The following CUL4A variants were observed in gnomAD, a reference collection of about 807,000 sequenced individuals.
CUL4A encodes cullin 4A, also known as cullin-4A.
CUL4A carries 16 observed loss-of-function variants against 95.5 expected under a neutral mutation model. The observed-to-expected ratio is 0.17, with a 90% CI of 0.11 to 0.25. CUL4A has a LOEUF of 0.25. CUL4A is among the 10% of genes least tolerant of loss of function. The pLI, the probability that CUL4A is intolerant of heterozygous loss-of-function variation, is 1.00. For missense variants in CUL4A, 610 were observed against 937.0 expected, an observed-to-expected ratio of 0.65 and a Z score of 4.56; for synonymous variants, 380 against 353.1, an observed-to-expected ratio of 1.08 and a Z score of -0.85.
chr13:113,219,317 T>C (rs990959919), intron 3 of CUL4A: 2 of 333,582 alleles, frequency 6.0e-6, no homozygotes, highest in Non-Finnish European at 1.1e-5. Context: ...TATCCTTTAT[T>C]CTAATAAACA....
intron 9 of CUL4A, 66 bp downstream of exon 9, chr13:113,236,956 G>C: frequency 2.7e-6 from 3 of 1,115,056 alleles, no homozygotes; most frequent in East Asian, 4.8e-5. Flanking sequence ...GGAAAGTAAA[G>C]GGGGCATTAC....
intron 15 of CUL4A, among the ~76,000 whole-genome samples, chr13:113,248,227 T>C (rs958420225): frequency 6.6e-6 from 1 of 152,234 alleles, no homozygotes; most frequent in African/African-American, 2.4e-5. Flanking sequence ...GCTGAATTGA[T>C]TTTTACCTGG....
intron 2 of CUL4A, among the ~76,000 whole-genome samples, chr13:113,211,274 C>A (rs975537064): frequency 6.6e-6 from 1 of 152,228 alleles, no homozygotes; most frequent in Non-Finnish European, 1.5e-5. Flanking sequence ...TTTTGAGATT[C>A]ATGCACAACG....
In CUL4A at chr13:113,266,098, C is replaced by T. The variant is rs2042392287; in HGVS notation, c.*2516C>T. 1 of 152,220 alleles carries T rather than the reference C, an allele frequency of 6.6e-6. No individual in the cohort carries two copies. Among genetic ancestry groups the T allele is most frequent in the Non-Finnish European group, 1.5e-5 (1 of 68,056 alleles). The allele number at this position is 152,220 out of a possible 1,614,324, so 9.4% of individuals were successfully genotyped here. On this transcript the variant is annotated 3_prime_UTR_variant, in exon 20 of 20. Coordinates refer to ENST00000375440, the MANE Select transcript of CUL4A (RefSeq NM_001008895.4). ...TGGCATGATCATGTTTCACGGCAGC[C>T]TCTACCTTCTGGGCTCAAGCGATCC...
chr13:113,223,734 T>A (rs1199779197), intron 3 of CUL4A, among the ~76,000 whole-genome samples: 1 of 152,186 alleles, frequency 6.6e-6, no homozygotes, highest in Non-Finnish European at 1.5e-5. Context: ...ATATTTTGAT[T>A]GTATGCTGAT....
At chr13:113,239,632 C>A in intron 10 of CUL4A, 81 bp downstream of exon 10, 2 of 1,055,628 alleles carry the variant, frequency 1.9e-6, no homozygotes, top group South Asian at 1.5e-5. Flanking sequence ...CTAGTGTGCC[C>A]TGGCAAAGGG....
At chr13:113,221,965 C>A (rs2040914761) in intron 3 of CUL4A, among the ~76,000 whole-genome samples, 5 of 152,132 alleles carry the variant, frequency 3.3e-5, no homozygotes, top group Admixed American at 3.3e-4. Flanking sequence ...ATTGCAGGGG[C>A]GAAGCGATGT....
At chr13:113,238,251 G>A (rs932021989) in intron 9 of CUL4A, among the ~76,000 whole-genome samples, 1 of 151,984 alleles carries the variant, frequency 6.6e-6, no homozygotes, top group Non-Finnish European at 1.5e-5. Flanking sequence ...ACCAGCCTGG[G>A]CAACAAAGAG....
At chr13:113,209,022 G>C (rs923931353), upstream of CUL4A, 51 of 615,566 alleles carry the variant, frequency 8.3e-5, no homozygotes, top group Admixed American at 1.6e-3. Flanking sequence ...CCAGGGCCTC[G>C]GGGCGCGCGC....
rs532006869 is a variant in CUL4A at position 113,234,703 on chromosome 13, G to C, written c.766-360G>C. On this transcript the variant is annotated intron_variant, in intron 7 of 19. Transcript: ENST00000375440. ...CTTGCTTTTGCTGACCCAGCTGTGC[G>C]GGGCAGGGTTGCCATTTAGCACCTC... Among the ~76,000 whole-genome samples the C allele has an allele frequency of 3.9e-5, 6 of 152,146 alleles. No individual in the cohort carries two copies. In the South Asian group the frequency reaches 1.2e-3, roughly 32 times the overall value.
chr13:113,257,660 C>T (rs2042164385), intron 18 of CUL4A, among the ~76,000 whole-genome samples: 1 of 152,190 alleles, frequency 6.6e-6, no homozygotes, highest in Non-Finnish European at 1.5e-5. Context: ...CACCCGGTCC[C>T]ATCTCCAACA....
At position 113,210,054 on chromosome 13, in the gene CUL4A, C is replaced by G. The variant is rs2139054910; in HGVS notation, c.230C>G (p.Thr77Ser). 3.3e-6 allele frequency: 5 copies of G among 1,519,748 alleles called. No homozygotes were observed. Among genetic ancestry groups the G allele is most frequent in the Non-Finnish European group, 2.6e-6 (3 of 1,134,700 alleles). The allele number at this position is 1,519,748 out of a possible 1,614,324, so 94.1% of individuals were successfully genotyped here. A position where few individuals can be genotyped will look rare whatever the true frequency, so the allele number is the denominator to read the frequency against. The change falls in exon 2 of 20, where the codon ACC becomes AGC. Residue 77 changes from threonine (T) to serine (S), a missense_variant. Around this residue, in one of 10 missense-constraint regions of CUL4A, gnomAD observed 168 missense variants for 185.5 expected, o/e 0.91. Transcript: ENST00000375440. Reference sequence around the variant, plus strand: ...GCGGTGCGGGCCGTGCAGAGCAGCACCTCCATCAGGTACAACCTCGAGGAG... The same window carrying G: ...GCGGTGCGGGCCGTGCAGAGCAGCAGCTCCATCAGGTACAACCTCGAGGAG... ...HEAVRAVQSS[T>S]SIRYNLEELY...
intron 3 of CUL4A, among the ~76,000 whole-genome samples, chr13:113,223,334 T>G (rs572911234): frequency 9.9e-5 from 15 of 152,222 alleles, no homozygotes; most frequent in Non-Finnish European, 2.1e-4. Flanking sequence ...AGATTTCTTT[T>G]GCCTCTGGGA....
At chr13:113,222,937 A>G (rs754611619) in intron 3 of CUL4A, among the ~76,000 whole-genome samples, 1 of 152,112 alleles carries the variant, frequency 6.6e-6, no homozygotes, top group Non-Finnish European at 1.5e-5. Context: ...GAGGAGGTGG[A>G]TGAGGGCTGC....
At chr13:113,227,685 C>G (rs543970597) in intron 3 of CUL4A, among the ~76,000 whole-genome samples, 1 of 152,312 alleles carries the variant, frequency 6.6e-6, no homozygotes, top group East Asian at 1.9e-4. Context: ...GCCAGTGGAT[C>G]ACAAGGTCAG....
At chr13:113,250,557 A>T (rs1240333683) in intron 15 of CUL4A, among the ~76,000 whole-genome samples, 1 of 152,200 alleles carries the variant, frequency 6.6e-6, no homozygotes, top group East Asian at 1.9e-4. Context: ...CTGGACTGGT[A>T]GCTAGCACAT....
intron 15 of CUL4A, among the ~76,000 whole-genome samples, chr13:113,251,462 G>A (rs1348325222): frequency 6.6e-6 from 1 of 152,160 alleles, no homozygotes; most frequent in African/African-American, 2.4e-5. Flanking sequence ...GTGAGCTCGT[G>A]GGAGAGGAGG....
intron 12 of CUL4A, 51 bp downstream of exon 12, chr13:113,244,565 G>T (rs1343161109): frequency 8.2e-6 from 11 of 1,333,338 alleles, no homozygotes; most frequent in Non-Finnish European, 1.2e-5. Flanking sequence ...GTGTAAACAG[G>T]CCCTGCTTTC....
chr13:113,234,445 C>A lies in CUL4A; in HGVS notation c.765+459C>A, dbSNP rs182764378. Among the ~76,000 whole-genome samples, 266 of 152,246 alleles carry A rather than the reference C, an allele frequency of 1.7e-3. 3 individuals carry two copies. Among genetic ancestry groups the A allele is most frequent in the Non-Finnish European group, 2.4e-3 (166 of 68,034 alleles). On this transcript the variant is annotated intron_variant, in intron 7 of 19. Coordinates refer to ENST00000375440, the MANE Select transcript of CUL4A (RefSeq NM_001008895.4). ...CAGAGCAAAATCATAAAGGAACCTG[C>A]CCCATAGACTGTCACCCAAATGGTG... is the stretch of plus-strand genomic sequence containing the variant.
Sources: gnomAD v4.1 joint callset for allele counts (sites outside exome capture counted in the v4.1 genomes callset) on GRCh38, gnomAD v4.1.1 for gene constraint, gnomAD v4.1.1 regional missense constraint, MANE v1.5 for transcripts, NCBI Gene and HGNC (gene_info 2026-07-23, HGNC 2026-07-21) for gene names.